Variants in TDRP observed in about 807,000 individuals in gnomAD.
TDRP encodes the protein testis development related protein, also known as testis development-related protein.
TDRP carries 12 observed loss-of-function variants against 10.5 expected under a neutral mutation model. The observed-to-expected ratio is 1.15, with a 90% CI of 0.73 to 1.86. The LOEUF (loss-of-function observed/expected upper bound fraction) is 1.86. Among genes scored for constraint, TDRP ranks in the 40% most tolerant of loss-of-function variants. TDRP has a pLI of 0.00. For missense variants in TDRP, 353 were observed against 229.2 expected (o/e 1.54, Z -3.49); for synonymous variants, 139 against 95.4 (o/e 1.46, Z -2.67).
At chr8:501,960 C>T (rs1370064983) in intron 1 of TDRP, among the ~76,000 whole-genome samples, 1 of 152,226 alleles carries the variant, frequency 6.6e-6, no homozygotes, top group East Asian at 1.9e-4. Flanking sequence ...AGGCTTAGCG[C>T]TGGCATTCAG....
chr8:514,586 G>A (rs1343845870), intron 1 of TDRP, among the ~76,000 whole-genome samples: 1 of 152,108 alleles, frequency 6.6e-6, no homozygotes, highest in East Asian at 1.9e-4. Context: ...TTAGCTCTGT[G>A]TATGGAAACA....
chr8:510,040 G>C (rs1377485114), intron 1 of TDRP, among the ~76,000 whole-genome samples: 1 of 152,164 alleles, frequency 6.6e-6, no homozygotes, highest in Admixed American at 6.5e-5. Flanking sequence ...GTGACCTCCA[G>C]GAGGAAGCAC....
At chr8:507,525 A>G (rs1006470917) in intron 1 of TDRP, among the ~76,000 whole-genome samples, 2 of 152,182 alleles carry the variant, frequency 1.3e-5, no homozygotes, top group Admixed American at 6.5e-5. Context: ...ACTGGAATTT[A>G]GCAGCTGCAT....
chr8:512,461 G>A (rs1421897760), intron 1 of TDRP, among the ~76,000 whole-genome samples: 1 of 151,632 alleles, frequency 6.6e-6, no homozygotes, highest in Non-Finnish European at 1.5e-5. Context: ...CAGCAAAATT[G>A]ATAAATCTTG....
chr8:515,392 T>C (rs921059781), intron 1 of TDRP, among the ~76,000 whole-genome samples: 10 of 152,250 alleles, frequency 6.6e-5, no homozygotes, highest in African/African-American at 9.6e-5. Flanking sequence ...GTGCCCCTTA[T>C]CTGAGATGCT....
intron 1 of TDRP, among the ~76,000 whole-genome samples, chr8:539,128 T>G (rs1218419551): frequency 6.6e-6 from 1 of 152,236 alleles, no homozygotes; most frequent in Admixed American, 6.5e-5. Context: ...ATGCAATTGC[T>G]GTGGACTGAA....
chr8:509,673 G>C (rs968627319), intron 1 of TDRP, among the ~76,000 whole-genome samples: 1 of 152,156 alleles, frequency 6.6e-6, no homozygotes, highest in African/African-American at 2.4e-5. Flanking sequence ...TGCCCCAAAG[G>C]TCTCTGACAT....
intron 1 of TDRP, among the ~76,000 whole-genome samples, chr8:509,619 A>G (rs1488123812): frequency 6.6e-6 from 1 of 151,812 alleles, no homozygotes; most frequent in African/African-American, 2.4e-5. Context: ...GGCTCATCTG[A>G]CCCATTTTTT....
chr8:520,456 T>C (rs1584871859), intron 1 of TDRP, among the ~76,000 whole-genome samples: 1 of 152,222 alleles, frequency 6.6e-6, no homozygotes, highest in South Asian at 2.1e-4. Flanking sequence ...CTTTGGGATA[T>C]ATACACAGAA....
chr8:533,106 T>C (rs1185615935), intron 1 of TDRP, among the ~76,000 whole-genome samples: 3 of 152,194 alleles, frequency 2.0e-5, no homozygotes, highest in Non-Finnish European at 4.4e-5. Context: ...TCTAGCACCA[T>C]GCTGTCTCCC....
chr8:543,738 C>A (rs529657480), intron 1 of TDRP, among the ~76,000 whole-genome samples: 2 of 152,276 alleles, frequency 1.3e-5, no homozygotes, highest in Non-Finnish European at 2.9e-5. Context: ...AAGAGAAACT[C>A]TTCTGCTCAG....
chr8:503,186 C>T (rs1287542854), intron 1 of TDRP, among the ~76,000 whole-genome samples: 1 of 152,068 alleles, frequency 6.6e-6, no homozygotes, highest in African/African-American at 2.4e-5. Flanking sequence ...CCCACCTCAA[C>T]ACGCACCAAC....
chr8:521,741 A>G (rs1801912064), intron 1 of TDRP, among the ~76,000 whole-genome samples: 1 of 152,072 alleles, frequency 6.6e-6, no homozygotes, highest in Admixed American at 6.6e-5. Context: ...GAGATTCTAT[A>G]TGAACTTTAG....
chr8:541,047 A>G (rs1802477078), intron 1 of TDRP, among the ~76,000 whole-genome samples: 1 of 152,196 alleles, frequency 6.6e-6, no homozygotes, highest in Non-Finnish European at 1.5e-5. Context: ...TTTGCATATT[A>G]ATTCCTACTT....
At chr8:527,149 C>G (rs571780348) in intron 1 of TDRP, among the ~76,000 whole-genome samples, 74 of 151,944 alleles carry the variant, frequency 4.9e-4, no homozygotes, top group African/African-American at 1.6e-3. Context: ...AGCAGACAAT[C>G]TGAAAAAATA....
At chr8:521,407 A>AGAT (rs398073199) in intron 1 of TDRP, among the ~76,000 whole-genome samples, 1 of 151,570 alleles carries the variant, frequency 6.6e-6, no homozygotes. Flanking sequence ...AGAGAGAGAG[A>AGAT]TGCCGTCCCA....
intron 1 of TDRP, among the ~76,000 whole-genome samples, chr8:537,200 C>G (rs1341826500): frequency 1.3e-5 from 2 of 152,226 alleles, no homozygotes; most frequent in Non-Finnish European, 2.9e-5. Flanking sequence ...TGGGCTGGCT[C>G]CCTGCCTGGT....
intron 1 of TDRP, among the ~76,000 whole-genome samples, chr8:517,020 C>T (rs1801774275): frequency 6.6e-6 from 1 of 152,168 alleles, no homozygotes; most frequent in African/African-American, 2.4e-5. Flanking sequence ...ACTGAATGGA[C>T]TCTGCTCTTG....
chr8:500,076 A>G (rs1313653914), intron 1 of TDRP, among the ~76,000 whole-genome samples: 1 of 152,192 alleles, frequency 6.6e-6, no homozygotes, highest in Non-Finnish European at 1.5e-5. Flanking sequence ...ATCCAAAACA[A>G]TGAAGACAGA....
Sources: allele counts gnomAD v4.1 joint callset (sites outside exome capture counted in the v4.1 genomes callset), GRCh38; gene constraint gnomAD v4.1.1; transcripts MANE v1.5; gene names NCBI Gene and HGNC (gene_info 2026-07-23, HGNC 2026-07-21).